TOX3: variants seen among roughly 807,000 people sequenced by gnomAD.
The protein encoded by TOX3 is CAG trinucleotide repeat-containing gene F9 protein.
In TOX3, 22 loss-of-function variants were observed where a neutral mutation model predicts 64.3. The observed-to-expected ratio is 0.34, with a 90% CI of 0.24 to 0.49. The LOEUF (loss-of-function observed/expected upper bound fraction) is 0.49, where lower values mean the gene tolerates loss of function less well. Ranked by LOEUF, TOX3 falls within the 20% of genes least tolerant of loss-of-function variation. The pLI, the probability that TOX3 is intolerant of heterozygous loss-of-function variation, is 0.99. For synonymous variants in TOX3, 291 were observed against 273.6 expected, an observed-to-expected ratio of 1.06 and a Z score of -0.63; for missense variants, 661 against 714.4, an observed-to-expected ratio of 0.93 and a Z score of 0.85.
chr16:52,484,040 T>C (rs1358688302), intron 1 of TOX3, among the ~76,000 whole-genome samples: 1 of 152,152 alleles, frequency 6.6e-6, no homozygotes, highest in African/African-American at 2.4e-5. Context: ...TGATGGAATA[T>C]CTAGATAATA....
intron 1 of TOX3, among the ~76,000 whole-genome samples, chr16:52,485,271 T>C (rs577639001): frequency 4.1e-4 from 60 of 145,578 alleles, no homozygotes; most frequent in East Asian, 8.0e-4. Context: ...TATATATATA[T>C]ACATATCTCC....
At position 52,439,315 on chromosome 16, in the gene TOX3, G is replaced by C; in HGVS notation, c.1641C>G (p.Ile547Met). Residue 547 changes from isoleucine (I) to methionine (M), a missense_variant, in exon 7 of 7, where the codon ATC becomes ATG. By Grantham distance (10) the Ile-to-Met change is conservative. Coordinates refer to ENST00000219746, the MANE Select transcript of TOX3 (RefSeq NM_001080430.4). ...GCTGAGAGGCTGGCTGGGGGCTCCC[G>C]ATGGCAGGGATGGGGGATGTTATCT... ...ASQITSPIPA[I>M]GSPQPASQQH... 1 of 1,613,508 alleles carries C rather than the reference G, an allele frequency of 6.2e-7. No homozygotes were observed. The highest frequency in any genetic ancestry group is 8.5e-7 in the Non-Finnish European group (1 of 1,179,636).
chr16:52,541,572 C>A (rs1435753493), intron 1 of TOX3, among the ~76,000 whole-genome samples: 2 of 152,198 alleles, frequency 1.3e-5, no homozygotes, highest in African/African-American at 4.8e-5. Flanking sequence ...TAGATATAGA[C>A]AACCAAGCCT....
chr16:52,457,949 A>C (rs1181878082), intron 3 of TOX3, among the ~76,000 whole-genome samples: 1 of 152,208 alleles, frequency 6.6e-6, no homozygotes, highest in Non-Finnish European at 1.5e-5. Flanking sequence ...GTTTCTTGGC[A>C]AAATAAAATT....
intron 1 of TOX3, among the ~76,000 whole-genome samples, chr16:52,482,390 T>C (rs569248346): frequency 9.9e-5 from 15 of 152,250 alleles, no homozygotes; most frequent in African/African-American, 3.6e-4. Flanking sequence ...TTAAATCATA[T>C]ATTAAATTTT....
At chr16:52,453,188 C>CT (rs11301340) in intron 3 of TOX3, among the ~76,000 whole-genome samples, 101,568 of 143,836 alleles carry the variant, frequency 0.71, 36,302 homozygotes, top group East Asian at 0.87. Flanking sequence ...TTTCAGAATG[C>CT]TTTTTTTTTT....
intron 1 of TOX3, among the ~76,000 whole-genome samples, chr16:52,534,573 G>C (rs958063861): frequency 2.6e-5 from 4 of 151,834 alleles, no homozygotes; most frequent in Non-Finnish European, 5.9e-5. Context: ...GGAGTTTGAG[G>C]CTGCAGTGGC....
At chr16:52,492,479 A>G (rs1024930032) in intron 1 of TOX3, among the ~76,000 whole-genome samples, 1 of 112,568 alleles carries the variant, frequency 8.9e-6, no homozygotes, top group Non-Finnish European at 1.8e-5. Flanking sequence ...TGACCAATTT[A>G]TATATATAAT....
chr16:52,446,129 C>T lies in TOX3; in HGVS notation c.771G>A (p.Lys257=), dbSNP rs1859104827. The T allele has an allele frequency of 6.2e-7, 1 of 1,613,982 alleles. No individual in the cohort carries two copies. Among genetic ancestry groups the T allele is most frequent in the Non-Finnish European group, 8.5e-7 (1 of 1,179,862 alleles). ...KKKKDPNEPQ[K]PVSAYALFFR... is the part of the protein sequence containing the mutation. The stretch of plus-strand genomic sequence containing the variant: ...AAAACAGGGCATATGCTGACACTGG[C>T]TTCTGTGGCTCATTGGGATCTTTCT... Residue 257 remains lysine (K), a synonymous_variant, in exon 5 of 7, where the codon AAG becomes AAA. Coordinates refer to ENST00000219746, the MANE Select transcript of TOX3 (RefSeq NM_001080430.4).
intron 6 of TOX3, among the ~76,000 whole-genome samples, chr16:52,441,154 A>G (rs1472065222): frequency 6.6e-6 from 1 of 152,180 alleles, no homozygotes; most frequent in African/African-American, 2.4e-5. Context: ...CATAGGAAGC[A>G]ATAAATATTA....
intron 1 of TOX3, among the ~76,000 whole-genome samples, chr16:52,499,344 T>C (rs1019444832): frequency 6.6e-6 from 1 of 152,252 alleles, no homozygotes; most frequent in African/African-American, 2.4e-5. Flanking sequence ...AGGTTTTCTT[T>C]TGTTTTTCTT....
At position 52,456,680 on chromosome 16, in the gene TOX3, T is replaced by C. The variant is rs190488846; in HGVS notation, c.409-6134A>G. Among the ~76,000 whole-genome samples, 513 of 152,290 alleles carry C rather than the reference T, an allele frequency of 3.4e-3. 1 individual carries two copies. Among genetic ancestry groups the C allele is most frequent in the African/African-American group, 0.012 (488 of 41,574 alleles). ...TATTATTGAACATTAATCATTTGAGTGAACGGTTAAAATCTGAATAATGTT... is the reference window on the plus strand; with the variant it reads ...TATTATTGAACATTAATCATTTGAGCGAACGGTTAAAATCTGAATAATGTT... On this transcript the variant is annotated intron_variant, in intron 3 of 6. Transcript: ENST00000219746.
At chr16:52,460,745 G>A (rs1960663573) in intron 3 of TOX3, among the ~76,000 whole-genome samples, 1 of 151,902 alleles carries the variant, frequency 6.6e-6, no homozygotes, top group African/African-American at 2.4e-5. Context: ...GTTGAATGCT[G>A]GCAAAGGCTA....
chr16:52,478,654 A>T (rs760854278), intron 1 of TOX3, among the ~76,000 whole-genome samples: 1 of 152,210 alleles, frequency 6.6e-6, no homozygotes, highest in Non-Finnish European at 1.5e-5. Flanking sequence ...TGTTGAATGC[A>T]TAAGTGAATG....
intron 1 of TOX3, among the ~76,000 whole-genome samples, chr16:52,512,421 C>T (rs1415897686): frequency 6.6e-6 from 1 of 152,170 alleles, no homozygotes; most frequent in Admixed American, 6.5e-5. Context: ...CCAACATGAA[C>T]CTCTGTTTTC....
rs138141176 is a variant in TOX3 at position 52,514,794 on chromosome 16, G to A, written c.87+31843C>T. ...TGGGAGGCCAAGGCGGGTGGATCAC[G>A]AGATCAGGAGATCAAGACCATCCTG... is the stretch of plus-strand genomic sequence containing the variant. On this transcript the variant is annotated intron_variant, in intron 1 of 6. Coordinates refer to ENST00000219746, the MANE Select transcript of TOX3 (RefSeq NM_001080430.4). 6.7e-3 allele frequency among the ~76,000 whole-genome samples: 1,015 copies of A among 152,108 alleles called. 13 individuals carry two copies. The highest frequency in any genetic ancestry group is 0.022 in the African/African-American group (916 of 41,514).
chr16:52,474,844 C>T (rs1022991351), intron 1 of TOX3, among the ~76,000 whole-genome samples: 15 of 152,050 alleles, frequency 9.9e-5, no homozygotes, highest in African/African-American at 3.6e-4. Flanking sequence ...GGGAGATGCC[C>T]AATCCTTACA....
chr16:52,529,241 G>T (rs189629829), intron 1 of TOX3, among the ~76,000 whole-genome samples: 2 of 152,218 alleles, frequency 1.3e-5, no homozygotes, highest in East Asian at 1.9e-4. Flanking sequence ...TATCCCATAA[G>T]AAATAAATTC....
chr16:52,528,753 A>C (rs2151483017), intron 1 of TOX3, among the ~76,000 whole-genome samples: 1 of 152,364 alleles, frequency 6.6e-6, no homozygotes, highest in Non-Finnish European at 1.5e-5. Flanking sequence ...AGTGACCCCA[A>C]GACAATGGTG....
Sources: gnomAD v4.1 joint callset for allele counts (sites outside exome capture counted in the v4.1 genomes callset) on GRCh38, gnomAD v4.1.1 for gene constraint, MANE v1.5 for transcripts, NCBI Gene and HGNC (gene_info 2026-07-23, HGNC 2026-07-21) for gene names.